NRXN3: variants seen among roughly 807,000 people sequenced by gnomAD.
NRXN3 encodes neurexin III.
In NRXN3, 32 loss-of-function variants were observed where a neutral mutation model predicts 137.6. The ratio of observed to expected loss-of-function variants is 0.23; its 90% CI spans 0.18 to 0.31. NRXN3 has a LOEUF of 0.31. Among genes scored for constraint, NRXN3 ranks in the 10% least tolerant of loss-of-function variants. The probability of loss-of-function intolerance (pLI) is 1.00; values close to 1 mark genes in which losing one functional copy is unlikely to be tolerated. For synonymous variants in NRXN3, 798 were observed against 784.5 expected (o/e 1.02, Z -0.29); for missense variants, 1,574 against 2,062.5 (o/e 0.76, Z 4.59).
In NRXN3 at chr14:79,160,544, A is replaced by T. The variant is rs149988846; in HGVS notation, c.3262+172403A>T. 2.6e-5 allele frequency among the ~76,000 whole-genome samples: 4 copies of T among 152,052 alleles called. No individual in the cohort carries two copies. The East Asian group carries it at 7.8e-4, about 30-fold the overall frequency. On this transcript the variant is annotated intron_variant, in intron 15 of 20. Coordinates refer to ENST00000335750, the MANE Select transcript of NRXN3 (RefSeq NM_001330195.2). The stretch of plus-strand genomic sequence containing the variant: ...AGCAAAATCCTTCCCTCCTTTACTG[A>T]ATGGATGGCTGGGTGGATAGCTGTT...
intron 6 of NRXN3, among the ~76,000 whole-genome samples, chr14:78,656,712 T>C (rs2097787095): frequency 6.6e-6 from 1 of 152,124 alleles, no homozygotes; most frequent in Non-Finnish European, 1.5e-5. Context: ...CCCTGATGTA[T>C]GTTTTTGTCC....
At chr14:78,548,454 A>G (rs144355878) in intron 4 of NRXN3, among the ~76,000 whole-genome samples, 40 of 152,312 alleles carry the variant, frequency 2.6e-4, no homozygotes, top group African/African-American at 9.4e-4. Flanking sequence ...TGATTGCTCA[A>G]ATTTGAGCTG....
intron 15 of NRXN3, among the ~76,000 whole-genome samples, chr14:79,212,543 G>A (rs1051049374): frequency 6.6e-6 from 1 of 152,132 alleles, no homozygotes; most frequent in Non-Finnish European, 1.5e-5. Flanking sequence ...CTCCTGAGAA[G>A]TCCTTCAGAG....
intron 15 of NRXN3, among the ~76,000 whole-genome samples, chr14:79,258,392 A>G (rs563875906): frequency 8.0e-4 from 122 of 152,108 alleles, no homozygotes; most frequent in African/African-American, 2.7e-3. Context: ...TTTGGTAGAG[A>G]CCAGGTTTTA....
chr14:79,007,136 A>G (rs2099554701), intron 15 of NRXN3, among the ~76,000 whole-genome samples: 1 of 152,204 alleles, frequency 6.6e-6, no homozygotes, highest in African/African-American at 2.4e-5. Flanking sequence ...GTGTAAACTT[A>G]CAGAATTTGT....
At chr14:79,611,275 G>A (rs2098095651) in intron 16 of NRXN3, 1 of 152,196 alleles carries the variant, frequency 6.6e-6, no homozygotes, top group South Asian at 2.1e-4. Context: ...AATGGTTTAT[G>A]ACCTATAACT....
chr14:79,300,012 C>A (rs897691206), intron 15 of NRXN3, among the ~76,000 whole-genome samples: 17 of 152,128 alleles, frequency 1.1e-4, no homozygotes, highest in Middle Eastern at 6.8e-3. Context: ...GTTGGAAAAT[C>A]TAACAGTTTA....
rs2099357622 is a variant in NRXN3, at chr14:78,943,614, A to AT, written c.2276-13628_2276-13627insT. On this transcript the variant is annotated intron_variant, in intron 10 of 20. Coordinates refer to ENST00000335750, the MANE Select transcript of NRXN3 (RefSeq NM_001330195.2). ...GAAAAGAAGCAAGATCACTGTTAAA[A>AT]AAAAAAAATATATATATATATATAT... Among the ~76,000 whole-genome samples, 14 of 44,152 alleles carry AT rather than the reference A, an allele frequency of 3.2e-4. 1 individual carries two copies. Among genetic ancestry groups the AT allele is most frequent in the South Asian group, 2.0e-3 (2 of 988 alleles). 29.0% of individuals were successfully genotyped at this position (44,152 alleles called of 152,430 possible).
intron 20 of NRXN3, among the ~76,000 whole-genome samples, chr14:79,823,217 T>G (rs1168682771): frequency 6.6e-6 from 1 of 152,172 alleles, no homozygotes; most frequent in Admixed American, 6.5e-5. Flanking sequence ...ACCTCCTGAT[T>G]CATGAAATTT....
At chr14:79,477,949 A>G (rs1175144777) in intron 16 of NRXN3, among the ~76,000 whole-genome samples, 3 of 151,988 alleles carry the variant, frequency 2.0e-5, no homozygotes, top group Admixed American at 6.6e-5. Flanking sequence ...AGTAAAACAG[A>G]TAAGAGTTTG....
chr14:78,466,786 A>G (rs962218714), intron 4 of NRXN3, among the ~76,000 whole-genome samples: 2 of 152,178 alleles, frequency 1.3e-5, no homozygotes, highest in African/African-American at 4.8e-5. Context: ...TTCCTTATCC[A>G]TTAATTGGGG....
intron 16 of NRXN3, among the ~76,000 whole-genome samples, chr14:79,630,412 G>A (rs2098332702): frequency 6.6e-6 from 1 of 152,226 alleles, no homozygotes; most frequent in Admixed American, 6.5e-5. Flanking sequence ...TCCTTCAAGA[G>A]GGTGCTGCTT....
chr14:79,010,267 G>C (rs1466431257), intron 15 of NRXN3, among the ~76,000 whole-genome samples: 2 of 152,134 alleles, frequency 1.3e-5, no homozygotes, highest in African/African-American at 4.8e-5. Context: ...TTGGTACAGT[G>C]ACTTGAGTAT....
At chr14:78,501,853 T>C (rs940824490) in intron 4 of NRXN3, among the ~76,000 whole-genome samples, 3 of 152,150 alleles carry the variant, frequency 2.0e-5, no homozygotes, top group Non-Finnish European at 4.4e-5. Context: ...TTTTATTTTT[T>C]ACAAAGCGTT....
intron 4 of NRXN3, among the ~76,000 whole-genome samples, chr14:78,351,498 G>T (rs2083484658): frequency 6.6e-6 from 1 of 152,050 alleles, no homozygotes; most frequent in African/African-American, 2.4e-5. Context: ...GCTATTATGG[G>T]CCTTATAAAT....
chr14:78,217,427 G>A (rs2153420529), intron 1 of NRXN3, among the ~76,000 whole-genome samples: 1 of 152,188 alleles, frequency 6.6e-6, no homozygotes, highest in South Asian at 2.1e-4. Context: ...TAGAGGCCAG[G>A]GATGTTGCCA....
At chr14:78,232,012 C>T (rs971017365) in intron 1 of NRXN3, among the ~76,000 whole-genome samples, 4 of 152,248 alleles carry the variant, frequency 2.6e-5, no homozygotes, top group Admixed American at 2.6e-4. Context: ...TCAGCCTTCA[C>T]CCCCATTGTA....
chr14:78,349,376 G>A (rs528314736), intron 4 of NRXN3, among the ~76,000 whole-genome samples: 2 of 152,290 alleles, frequency 1.3e-5, no homozygotes, highest in East Asian at 3.9e-4. Context: ...AACCTGATTT[G>A]GGCCTGCTCC....
intron 15 of NRXN3, among the ~76,000 whole-genome samples, chr14:79,398,552 A>C (rs1226667200): frequency 6.6e-6 from 1 of 152,108 alleles, no homozygotes; most frequent in African/African-American, 2.4e-5. Flanking sequence ...GAAAGTGTAG[A>C]AATTCTTCAA....
Sources: gnomAD v4.1 joint callset for allele counts (sites outside exome capture counted in the v4.1 genomes callset) on GRCh38, gnomAD v4.1.1 for gene constraint, MANE v1.5 for transcripts, NCBI Gene and HGNC (gene_info 2026-07-23, HGNC 2026-07-21) for gene names.